Variants in CASZ1 observed in about 807,000 individuals in gnomAD.
CASZ1 encodes the protein zinc finger protein castor homolog 1.
CASZ1 carries 28 observed loss-of-function variants against 135.2 expected under a neutral mutation model. That is an observed-to-expected ratio of 0.21 (90% confidence interval 0.15 to 0.28). The LOEUF is 0.28. Ranked by LOEUF, CASZ1 falls within the 10% of genes least tolerant of loss-of-function variation. CASZ1 has a pLI of 1.00. For missense variants in CASZ1, 2,161 were observed against 2,453.3 expected (o/e 0.88, Z 2.52); for synonymous variants, 1,068 against 1,073.4 (o/e 0.99, Z 0.10).
At chr1:10,793,637 G>C (rs893046961) in intron 1 of CASZ1, among the ~76,000 whole-genome samples, 2 of 136,770 alleles carry the variant, frequency 1.5e-5, no homozygotes, top group Non-Finnish European at 3.0e-5. Context: ...AAGATCGCTG[G>C]AAACCTGATT....
chr1:10,687,350 C>A (rs1381312885), intron 4 of CASZ1, among the ~76,000 whole-genome samples: 1 of 152,226 alleles, frequency 6.6e-6, no homozygotes, highest in Admixed American at 6.5e-5. Context: ...CAAGAGACAG[C>A]CCTCTTGGCT....
chr1:10,778,825 G>A (rs1465864126), intron 1 of CASZ1, among the ~76,000 whole-genome samples: 2 of 152,194 alleles, frequency 1.3e-5, no homozygotes, highest in African/African-American at 4.8e-5. Context: ...GCGGTTGGCA[G>A]TTGGGCGTGA....
chr1:10,720,873 G>A lies in CASZ1; in HGVS notation c.-76-15329C>T, dbSNP rs979511159. ...AAGGGGAGAGGCAGGCATGGGTGCC[G>A]CGTGGGCCCAGCCAAGGGCTCCAGG... On this transcript the variant is annotated intron_variant, in intron 2 of 20. Transcript: ENST00000377022. This position sits in a 1 kb window ranked among gnomAD's most constrained non-coding sequence, Gnocchi z 5.7. Among the ~76,000 whole-genome samples the A allele has an allele frequency of 2.0e-5, 3 of 152,134 alleles. No homozygotes were observed. Among genetic ancestry groups the A allele is most frequent in the Admixed American group, 6.5e-5 (1 of 15,278 alleles).
intron 5 of CASZ1, among the ~76,000 whole-genome samples, chr1:10,663,958 G>C (rs577036508): frequency 6.6e-6 from 1 of 152,324 alleles, no homozygotes; most frequent in Non-Finnish European, 1.5e-5. Context: ...GGTGGCCCTT[G>C]TCGCGTTCCT....
Position 10,643,213 on chromosome 1 carries a change from T to A in CASZ1, c.3967A>T (p.Lys1323Ter). The A allele has an allele frequency of 6.2e-7, 1 of 1,612,660 alleles. No individual in the cohort carries two copies. The highest frequency in any genetic ancestry group is 8.5e-7 in the Non-Finnish European group (1 of 1,179,990). The stretch of plus-strand genomic sequence containing the variant: ...TTCCCCAGCATCCTCCGCATGTGCT[T>A]CCGCGCGTGGGAGGTCATCTGGTGC... ...LKHQMTSHAR[K>*]HMRRMLGKNF... Residue 1323 changes from lysine to a stop codon, truncating the protein, a stop_gained, in exon 19 of 21, where the codon AAG becomes TAG. Transcript: ENST00000377022. LOFTEE classifies it high-confidence loss of function.
At position 10,725,714 on chromosome 1, in the gene CASZ1, G is replaced by GC. The variant is rs1002283401; in HGVS notation, c.-76-20171dup. ...GGAGGTGGAAGCCAGGTTCTGGAAA[G>GC]CCCTTTTTTTTTTTTTACTAGGAGA... On this transcript the variant is annotated intron_variant, in intron 2 of 20. Transcript: ENST00000377022. The surrounding 1 kb of genome is among the most constrained non-coding windows in gnomAD (Gnocchi z 4.4). Among the ~76,000 whole-genome samples the GC allele has an allele frequency of 2.0e-5, 3 of 150,556 alleles. No individual in the cohort carries two copies. The highest frequency in any genetic ancestry group is 7.4e-5 in the African/African-American group (3 of 40,620).
Position 10,743,021 on chromosome 1 carries a change from C to A in CASZ1, c.-77+17680G>T, listed in dbSNP as rs188701992. On this transcript the variant is annotated intron_variant, in intron 2 of 20. Transcript: ENST00000377022. ...GAAAAAAAAGCCTCTGAGCAAGAAG[C>A]CTGGGCCAGTTCCTGGGGGTGGAGC... 2.0e-5 allele frequency among the ~76,000 whole-genome samples: 3 copies of A among 152,230 alleles called. No individual in the cohort carries two copies. In the East Asian group the frequency reaches 5.8e-4, roughly 29 times the overall value.
At chr1:10,729,274 G>A (rs1639659379) in intron 2 of CASZ1, among the ~76,000 whole-genome samples, 1 of 152,222 alleles carries the variant, frequency 6.6e-6, no homozygotes, top group South Asian at 2.1e-4. Flanking sequence ...ACGGCTGCAG[G>A]GGGGCTTCCT....
intron 18 of CASZ1, among the ~76,000 whole-genome samples, chr1:10,644,140 AC>A (rs1185961675): frequency 6.6e-6 from 1 of 152,202 alleles, no homozygotes; most frequent in Non-Finnish European, 1.5e-5. Flanking sequence ...CCACCAGGCC[AC>A]AACGGGCCTT....
chr1:10,678,878 A>G (rs969102788), intron 4 of CASZ1, among the ~76,000 whole-genome samples: 1 of 152,164 alleles, frequency 6.6e-6, no homozygotes, highest in Non-Finnish European at 1.5e-5. Context: ...TCCTCCTGCC[A>G]TCGCAAAATT....
chr1:10,665,502 A>T lies in CASZ1; in HGVS notation c.86T>A (p.Leu29Gln), dbSNP rs1438518688. ...PAMAPKRKGG[L>Q]KLNAICAKLS... is the part of the protein sequence containing the mutation. ...CTTGGCGCAGATGGCGTTCAGCTTCAGGCCACCCTTGCGTTTGGGCGCCAT... is the reference window on the plus strand; with the variant it reads ...CTTGGCGCAGATGGCGTTCAGCTTCTGGCCACCCTTGCGTTTGGGCGCCAT... The change falls in exon 5 of 21, where the codon CTG becomes CAG. Residue 29 changes from leucine to glutamine, a missense_variant. Leu to Gln is a moderately radical substitution (Grantham distance 113, BLOSUM62 -2). Coordinates refer to ENST00000377022, the MANE Select transcript of CASZ1 (RefSeq NM_001079843.3). 2 of 1,604,670 alleles carry T rather than the reference A, an allele frequency of 1.2e-6. No individual in the cohort carries two copies. The highest frequency in any genetic ancestry group is 2.2e-5 in the South Asian group (2 of 90,800).
rs1422379172 is a variant in CASZ1, at chr1:10,707,131, T to C, written c.-76-1587A>G. On this transcript the variant is annotated intron_variant, in intron 2 of 20. Transcript: ENST00000377022. This position sits in a 1 kb window ranked among gnomAD's most constrained non-coding sequence, Gnocchi z 5.0. ...TCACTGTCCCGTCCGTCCCACACAC[T>C]CCTGTCTGAGATCTCTCAAGGTGCC... Among the ~76,000 whole-genome samples the C allele has an allele frequency of 6.6e-6, 1 of 151,836 alleles. No individual in the cohort carries two copies. Among genetic ancestry groups the C allele is most frequent in the Non-Finnish European group, 1.5e-5 (1 of 67,938 alleles).
rs906148393 is a variant in CASZ1 at position 10,699,992 on chromosome 1, C to CAG, written c.-24+5498_-24+5499dup. Among the ~76,000 whole-genome samples, 64 of 146,314 alleles carry CAG rather than the reference C, an allele frequency of 4.4e-4. No homozygotes were observed. Among genetic ancestry groups the CAG allele is most frequent in the Non-Finnish European group, 8.1e-4 (54 of 66,344 alleles). On this transcript the variant is annotated intron_variant, in intron 3 of 20. Coordinates refer to ENST00000377022, the MANE Select transcript of CASZ1 (RefSeq NM_001079843.3). The surrounding 1 kb of genome is among the most constrained non-coding windows in gnomAD (Gnocchi z 4.6). Reference sequence around the variant, plus strand: ...ACAGAGAGAGAGAAAGAGAGACAGGCAGAGAGAGAGAGAGAAACAGAGACA... The same window carrying CAG: ...ACAGAGAGAGAGAAAGAGAGACAGGCAGAGAGAGAGAGAGAGAAACAGAGACA...
At chr1:10,685,041 T>C (rs926822989) in intron 4 of CASZ1, among the ~76,000 whole-genome samples, 7 of 152,258 alleles carry the variant, frequency 4.6e-5, no homozygotes, top group Admixed American at 3.3e-4. Context: ...CAGATGAGCA[T>C]GGCCTCCCTG....
At chr1:10,662,265 ACAG>A (rs1643064350) in intron 5 of CASZ1, among the ~76,000 whole-genome samples, 1 of 136,040 alleles carries the variant, frequency 7.4e-6, no homozygotes, top group Non-Finnish European at 1.6e-5. Flanking sequence ...ACCCCCACAC[ACAG>A]TCACATGCTC....
intron 2 of CASZ1, among the ~76,000 whole-genome samples, chr1:10,732,285 C>T (rs768008072): frequency 1.4e-4 from 21 of 147,352 alleles, no homozygotes; most frequent in Non-Finnish European, 2.7e-4. Context: ...AGTGCAACTG[C>T]ACTCCAGCCT....
At chr1:10,688,450 C>T (rs1162175832) in intron 4 of CASZ1, among the ~76,000 whole-genome samples, 2 of 152,054 alleles carry the variant, frequency 1.3e-5, no homozygotes, top group East Asian at 3.9e-4. Flanking sequence ...GAGGACAAGG[C>T]GCAGAGAGAA....
At chr1:10,673,021 C>T (rs555740141) in intron 4 of CASZ1, among the ~76,000 whole-genome samples, 8 of 151,446 alleles carry the variant, frequency 5.3e-5, no homozygotes, top group South Asian at 2.1e-4. Context: ...GAGGAAGGCA[C>T]GGTGGACGGC....
At position 10,756,545 on chromosome 1, in the gene CASZ1, A is replaced by T. The variant is rs1409487950; in HGVS notation, c.-77+4156T>A. Among the ~76,000 whole-genome samples, 1 of 152,202 alleles carries T rather than the reference A, an allele frequency of 6.6e-6. No homozygotes were observed. Among genetic ancestry groups the T allele is most frequent in the Non-Finnish European group, 1.5e-5 (1 of 68,030 alleles). ...GCCCAGGGCGGCATGGGGCCTGTCC[A>T]GGGGCGCTGGGGATCACTGCTATCA... On this transcript the variant is annotated intron_variant, in intron 2 of 20. Coordinates refer to ENST00000377022, the MANE Select transcript of CASZ1 (RefSeq NM_001079843.3). The surrounding 1 kb of genome is among the most constrained non-coding windows in gnomAD (Gnocchi z 5.9).
Sources: allele counts gnomAD v4.1 joint callset (sites outside exome capture counted in the v4.1 genomes callset), GRCh38; gene constraint gnomAD v4.1.1; non-coding constraint Gnocchi (gnomAD v3.1); transcripts MANE v1.5; gene names NCBI Gene and HGNC (gene_info 2026-07-23, HGNC 2026-07-21).